The following TRABD2B variants were observed in gnomAD, a reference collection of about 807,000 sequenced individuals.
The protein encoded by TRABD2B is TraB domain containing 2B, also known as metalloprotease TIKI2.
In TRABD2B, 14 loss-of-function variants were observed where a neutral mutation model predicts 40.1. The observed-to-expected ratio is 0.35, with a 90% CI of 0.23 to 0.55. The LOEUF is 0.55. Ranked by LOEUF, TRABD2B falls within the 20% of genes least tolerant of loss-of-function variation. The pLI is 0.90. For synonymous variants in TRABD2B, 263 were observed against 277.0 expected (o/e 0.95, Z 0.50); for missense variants, 541 against 648.6 (o/e 0.83, Z 1.80).
intron 2 of TRABD2B, among the ~76,000 whole-genome samples, chr1:47,932,745 C>T (rs956387047): frequency 1.3e-5 from 2 of 152,204 alleles, no homozygotes; most frequent in Admixed American, 1.3e-4. Flanking sequence ...ACAGTCCCAG[C>T]CCCACTATTT....
At chr1:47,872,095 C>T (rs367750127) in intron 2 of TRABD2B, among the ~76,000 whole-genome samples, 2 of 152,156 alleles carry the variant, frequency 1.3e-5, no homozygotes, top group East Asian at 1.9e-4. Flanking sequence ...TGTGATGTGT[C>T]GGTCTGATGC....
chr1:47,889,212 T>G (rs1487682246), intron 2 of TRABD2B, among the ~76,000 whole-genome samples: 1 of 152,214 alleles, frequency 6.6e-6, no homozygotes, highest in African/African-American at 2.4e-5. Context: ...ACAACACACC[T>G]TAGCCTCATG....
intron 2 of TRABD2B, among the ~76,000 whole-genome samples, chr1:47,959,388 C>G (rs1214535444): frequency 6.6e-6 from 1 of 151,996 alleles, no homozygotes; most frequent in African/African-American, 2.4e-5. Flanking sequence ...GAGATAGAGA[C>G]ACAAAAAGCC....
intron 2 of TRABD2B, among the ~76,000 whole-genome samples, chr1:47,918,935 T>C (rs1644865224): frequency 6.6e-6 from 1 of 152,228 alleles, no homozygotes; most frequent in Admixed American, 6.5e-5. Flanking sequence ...AGCTAACAGA[T>C]GTTCCTTCCT....
chr1:47,832,129 G>A (rs149550839), intron 2 of TRABD2B, among the ~76,000 whole-genome samples: 1 of 152,264 alleles, frequency 6.6e-6, no homozygotes, highest in Non-Finnish European at 1.5e-5. Context: ...TCAGGAGATC[G>A]AGACCATCTT....
At position 47,885,458 on chromosome 1, in the gene TRABD2B, T is replaced by C. The variant is rs531852215; in HGVS notation, c.667-83839A>G. Among the ~76,000 whole-genome samples, 92 of 152,338 alleles carry C rather than the reference T, an allele frequency of 6.0e-4. 3 individuals are homozygous for C. In the South Asian group the frequency reaches 0.018, roughly 31 times the overall value. ...GCTTTTTTCCCCATGGTATCTCCAG[T>C]GCCCATCACTGCATCGGCCATCTGG... On this transcript the variant is annotated intron_variant, in intron 2 of 6. Transcript: ENST00000606738.
At chr1:47,827,785 A>AC (rs1051423516) in intron 2 of TRABD2B, among the ~76,000 whole-genome samples, 10 of 147,250 alleles carry the variant, frequency 6.8e-5, no homozygotes, top group Non-Finnish European at 1.2e-4. Context: ...ACAATGAGGT[A>AC]CCCCCCCTTA....
At chr1:47,844,997 G>C (rs566294816) in intron 2 of TRABD2B, among the ~76,000 whole-genome samples, 4 of 152,218 alleles carry the variant, frequency 2.6e-5, no homozygotes, top group Non-Finnish European at 4.4e-5. Flanking sequence ...TCACCAACAG[G>C]TAGCACCTTC....
At chr1:47,937,413 A>G (rs1645127234) in intron 2 of TRABD2B, among the ~76,000 whole-genome samples, 1 of 152,070 alleles carries the variant, frequency 6.6e-6, no homozygotes, top group African/African-American at 2.4e-5. Context: ...CATCACTACT[A>G]CCATCATGAT....
At chr1:47,854,833 C>T (rs992139622) in intron 2 of TRABD2B, among the ~76,000 whole-genome samples, 2 of 152,128 alleles carry the variant, frequency 1.3e-5, no homozygotes, top group African/African-American at 4.8e-5. Flanking sequence ...TTTAAAAAGG[C>T]AGCTTGTATA....
At chr1:47,872,148 TC>T (rs1421087846) in intron 2 of TRABD2B, among the ~76,000 whole-genome samples, 3 of 152,194 alleles carry the variant, frequency 2.0e-5, no homozygotes, top group African/African-American at 7.2e-5. Flanking sequence ...GCAGCACTAG[TC>T]CCATCCTCTC....
intron 2 of TRABD2B, among the ~76,000 whole-genome samples, chr1:47,888,276 T>C (rs1187904085): frequency 1.3e-5 from 2 of 152,190 alleles, no homozygotes; most frequent in Admixed American, 1.3e-4. Flanking sequence ...CTGGAGAGGA[T>C]CATCTGGGTT....
chr1:47,889,739 C>A (rs567246904), intron 2 of TRABD2B, among the ~76,000 whole-genome samples: 3 of 152,162 alleles, frequency 2.0e-5, no homozygotes, highest in Non-Finnish European at 4.4e-5. Flanking sequence ...CAGTCCTTGG[C>A]CCCTGAGGCA....
intron 2 of TRABD2B, among the ~76,000 whole-genome samples, chr1:47,976,071 T>G (rs1177207650): frequency 6.6e-6 from 1 of 152,156 alleles, no homozygotes; most frequent in Non-Finnish European, 1.5e-5. Context: ...ATGTTCCTTT[T>G]CATGTGTCAT....
At chr1:47,926,504 T>G (rs1644971210) in intron 2 of TRABD2B, among the ~76,000 whole-genome samples, 1 of 152,170 alleles carries the variant, frequency 6.6e-6, no homozygotes, top group African/African-American at 2.4e-5. Flanking sequence ...TCTCCCACTT[T>G]GCAGGACTGT....
chr1:47,882,873 C>A (rs760167767), intron 2 of TRABD2B, among the ~76,000 whole-genome samples: 6 of 152,012 alleles, frequency 3.9e-5, no homozygotes, highest in Non-Finnish European at 7.4e-5. Context: ...AGACGATGCA[C>A]CCCAGGAAGG....
intron 2 of TRABD2B, among the ~76,000 whole-genome samples, chr1:47,912,774 C>A (rs1644780322): frequency 6.6e-6 from 1 of 152,100 alleles, no homozygotes; most frequent in South Asian, 2.1e-4. Context: ...CCTTGTGAGA[C>A]AAGGGACACT....
At chr1:47,876,482 G>A (rs966539095) in intron 2 of TRABD2B, among the ~76,000 whole-genome samples, 1 of 152,192 alleles carries the variant, frequency 6.6e-6, no homozygotes, top group African/African-American at 2.4e-5. Context: ...AAAAGGTCAA[G>A]AGGCCTCTAG....
At chr1:47,832,311 C>T (rs982653551) in intron 2 of TRABD2B, among the ~76,000 whole-genome samples, 1 of 151,078 alleles carries the variant, frequency 6.6e-6, no homozygotes, top group Non-Finnish European at 1.5e-5. Flanking sequence ...CCAGCCTGGG[C>T]AACAAGCAAG....
Sources: allele counts gnomAD v4.1 joint callset (sites outside exome capture counted in the v4.1 genomes callset), GRCh38; gene constraint gnomAD v4.1.1; transcripts MANE v1.5; gene names NCBI Gene and HGNC (gene_info 2026-07-23, HGNC 2026-07-21).